The following KIAA0586 variants were observed in gnomAD, a reference collection of about 807,000 sequenced individuals.
KIAA0586 encodes the protein KIAA0586.
KIAA0586 carries 144 observed loss-of-function variants against 169.8 expected under a neutral mutation model. That is an observed-to-expected ratio of 0.85 (90% CI 0.74 to 0.97). The LOEUF is 0.97. Among genes scored for constraint, KIAA0586 ranks in the 50% least tolerant of loss-of-function variants. The pLI is 0.00. For synonymous variants in KIAA0586, 625 were observed against 612.4 expected (o/e 1.02, Z -0.30); for missense variants, 1,854 against 1,823.0 (o/e 1.02, Z -0.31).
intron 26 of KIAA0586, among the ~76,000 whole-genome samples, chr14:58,496,619 T>C (rs1381874609): frequency 6.6e-6 from 1 of 152,216 alleles, no homozygotes; most frequent in Non-Finnish European, 1.5e-5. Flanking sequence ...GATAGAGATG[T>C]ACATAGGAGA....
At chr14:58,560,149 T>G in the KIAA0586 span, among the ~76,000 whole-genome samples, 1 of 109,376 alleles carries the variant, frequency 9.1e-6, no homozygotes, top group Non-Finnish European at 1.7e-5. Context: ...AGACTCCATC[T>G]CAAAAAAAAA....
intron 14 of KIAA0586, among the ~76,000 whole-genome samples, chr14:58,463,595 C>G (rs1349033015): frequency 6.6e-6 from 1 of 152,042 alleles, no homozygotes; most frequent in Non-Finnish European, 1.5e-5. Context: ...AATCCCAGCA[C>G]TTTGGGAGGC....
intron 28 of KIAA0586, among the ~76,000 whole-genome samples, chr14:58,511,654 C>T (rs542405297): frequency 8.5e-5 from 13 of 152,258 alleles, no homozygotes; most frequent in East Asian, 3.9e-4. Context: ...ACATGACTAA[C>T]GGCTCTAAAC....
chr14:58,491,635 C>T (rs111644514), intron 25 of KIAA0586, among the ~76,000 whole-genome samples: 3 of 152,318 alleles, frequency 2.0e-5, no homozygotes, highest in African/African-American at 7.2e-5. Flanking sequence ...AATACCAATG[C>T]CCTCGCCAAG....
intron 19 of KIAA0586, among the ~76,000 whole-genome samples, chr14:58,475,832 G>T (rs1043633298): frequency 1.3e-5 from 2 of 152,144 alleles, no homozygotes; most frequent in African/African-American, 4.8e-5. Context: ...TAGCACAGTG[G>T]CTCATGCCTG....
At chr14:58,525,374 G>T (rs1262347937) in intron 29 of KIAA0586, among the ~76,000 whole-genome samples, 1 of 151,850 alleles carries the variant, frequency 6.6e-6, no homozygotes, top group Non-Finnish European at 1.5e-5. Context: ...TCATCTCATT[G>T]GGACTGGTTA....
intron 24 of KIAA0586, 37 bp from the exon 25 acceptor site, chr14:58,490,127 C>CT (rs760839155): frequency 0.019 from 16,374 of 871,594 alleles, no homozygotes; most frequent in Non-Finnish European, 0.022. Context: ...GTTTGTGTTT[C>CT]TTTTTTTTTT....
At position 58,521,672 on chromosome 14, in the gene KIAA0586, T is replaced by C. The variant is rs1458980952; in HGVS notation, c.4429+9045T>C. On this transcript the variant is annotated intron_variant, in intron 29 of 30. Transcript: ENST00000652326. ...TGACCTTCAGGCCATTAAGAAGGAA[T>C]TGACCCAGATAAAACAAAAAGTGGA... The C allele has an allele frequency of 1.7e-5, 16 of 966,954 alleles. No homozygotes were observed. In the Admixed American group the frequency reaches 2.8e-4, roughly 17 times the overall value. The allele number at this position is 966,954 out of a possible 1,614,324, so 59.9% of individuals were successfully genotyped here.
At chr14:58,460,129 T>A in intron 13 of KIAA0586, 59 bp downstream of exon 13, 1 of 1,010,848 alleles carries the variant, frequency 9.9e-7, no homozygotes, top group Non-Finnish European at 1.4e-6. Flanking sequence ...TCATTTCCTT[T>A]AAGAGATAAA....
intron 29 of KIAA0586, chr14:58,521,534 C>CTGTA: frequency 1.3e-6 from 1 of 797,470 alleles, no homozygotes; most frequent in Non-Finnish European, 2.2e-6. Context: ...ATTGCTCGGG[C>CTGTA]TGTAGTGCCC....
chr14:58,484,159 T>A (rs2042216731), intron 21 of KIAA0586, among the ~76,000 whole-genome samples: 1 of 152,164 alleles, frequency 6.6e-6, no homozygotes, highest in African/African-American at 2.4e-5. Context: ...TCCACTACTT[T>A]AGTTTTATGT....
At chr14:58,521,483 A>G (rs913554662) in intron 29 of KIAA0586, 7 of 760,202 alleles carry the variant, frequency 9.2e-6, no homozygotes, top group Admixed American at 3.5e-5. Flanking sequence ...GATTATTATG[A>G]TAGGATGTAC....
intron 23 of KIAA0586, 100 bp downstream of exon 23, chr14:58,488,209 C>A: frequency 2.2e-6 from 2 of 923,008 alleles, no homozygotes; most frequent in Non-Finnish European, 3.2e-6. Flanking sequence ...GCTTTATAAA[C>A]CACAGACTAC....
At chr14:58,544,773 C>G (rs918538736) in intron 30 of KIAA0586, among the ~76,000 whole-genome samples, 1 of 152,124 alleles carries the variant, frequency 6.6e-6, no homozygotes, top group Non-Finnish European at 1.5e-5. Context: ...CAAATTATTC[C>G]TGTGGTCAAA....
chr14:58,427,938 CAT>C lies in KIAA0586; in HGVS notation c.-326_-325del, dbSNP rs1386700785. 1 of 1,379,364 alleles carries C rather than the reference CAT, an allele frequency of 7.2e-7. No homozygotes were observed. Among genetic ancestry groups the C allele is most frequent in the Admixed American group, 2.9e-5 (1 of 33,984 alleles). The allele number at this position is 1,379,364 out of a possible 1,614,324, so 85.4% of individuals were successfully genotyped here. A position where few individuals can be genotyped will look rare whatever the true frequency, so the allele number is the denominator to read the frequency against. The stretch of plus-strand genomic sequence containing the variant: ...TCAACAAATTTTAAGCCCGCCACTA[CAT>C]GTGTTTGGTTTTGCCCTACCAGCTC... On this transcript the variant is annotated 5_prime_UTR_variant, in exon 1 of 31. It removes an upstream start codon present in the reference 5' UTR. Coordinates refer to ENST00000652326, the MANE Select transcript of KIAA0586 (RefSeq NM_001329943.3).
intron 4 of KIAA0586, among the ~76,000 whole-genome samples, chr14:58,433,757 T>C (rs1016583074): frequency 6.6e-6 from 1 of 152,188 alleles, no homozygotes; most frequent in African/African-American, 2.4e-5. Flanking sequence ...GGCTCATGCC[T>C]GTAGTCCTAG....
At chr14:58,460,518 C>CT (rs1566828914) in intron 13 of KIAA0586, among the ~76,000 whole-genome samples, 1 of 152,068 alleles carries the variant, frequency 6.6e-6, no homozygotes, top group Non-Finnish European at 1.5e-5. Flanking sequence ...CTATAAGTTT[C>CT]TAAGTGCCAA....
chr14:58,513,496 C>T (rs2044538986), intron 29 of KIAA0586, among the ~76,000 whole-genome samples: 1 of 151,814 alleles, frequency 6.6e-6, no homozygotes, highest in African/African-American at 2.4e-5. Flanking sequence ...AAGATTATGC[C>T]ACTTAAGGTT....
intron 29 of KIAA0586, among the ~76,000 whole-genome samples, chr14:58,518,155 A>G (rs2044899355): frequency 6.6e-6 from 1 of 152,202 alleles, no homozygotes; most frequent in Non-Finnish European, 1.5e-5. Flanking sequence ...TTTGCTTATT[A>G]TGAATTTTCT....
Sources: allele counts gnomAD v4.1 joint callset (sites outside exome capture counted in the v4.1 genomes callset), GRCh38; gene constraint gnomAD v4.1.1; transcripts MANE v1.5; gene names NCBI Gene and HGNC (gene_info 2026-07-23, HGNC 2026-07-21).